Variants in TNFSF11 observed in about 807,000 individuals in gnomAD.
TNFSF11 encodes tumor necrosis factor ligand superfamily member 11.
In TNFSF11, 12 loss-of-function variants were observed where a neutral mutation model predicts 32.2. The ratio of observed to expected loss-of-function variants is 0.37; its 90% CI spans 0.24 to 0.60. The LOEUF (loss-of-function observed/expected upper bound fraction) is 0.60, where lower values mean the gene tolerates loss of function less well. Among genes scored for constraint, TNFSF11 ranks in the 20% least tolerant of loss-of-function variants. The pLI, the probability that TNFSF11 is intolerant of heterozygous loss-of-function variation, is 0.66. For missense variants in TNFSF11, 345 were observed against 398.0 expected (o/e 0.87, Z 1.13); for synonymous variants, 172 against 152.1 (o/e 1.13, Z -0.96).
intron 2 of TNFSF11, among the ~76,000 whole-genome samples, chr13:42,588,349 T>C (rs1488340029): frequency 6.6e-6 from 1 of 152,148 alleles, no homozygotes; most frequent in African/African-American, 2.4e-5. Flanking sequence ...CGGTGAGTTA[T>C]GTCAGAGGTG....
chr13:42,571,380 A>T (rs945515710), upstream of TNFSF11, among the ~76,000 whole-genome samples: 1 of 138,536 alleles, frequency 7.2e-6, no homozygotes, highest in Non-Finnish European at 1.6e-5. Flanking sequence ...TCTTTTTTTT[A>T]ATTTTTGAGA....
At chr13:42,605,119 C>T (rs1869386415) in intron 4 of TNFSF11, among the ~76,000 whole-genome samples, 1 of 152,162 alleles carries the variant, frequency 6.6e-6, no homozygotes, top group African/African-American at 2.4e-5. Flanking sequence ...CATAAGGATT[C>T]ACTCTAATCA....
At chr13:42,595,195 T>G (rs967478694) in intron 2 of TNFSF11, among the ~76,000 whole-genome samples, 10 of 152,236 alleles carry the variant, frequency 6.6e-5, no homozygotes, top group Non-Finnish European at 1.5e-4. Context: ...TCAGAAGGTT[T>G]CTTTTATCCT....
At chr13:42,570,366 T>C (rs1233053969), upstream of TNFSF11, among the ~76,000 whole-genome samples, 1 of 152,214 alleles carries the variant, frequency 6.6e-6, no homozygotes, top group East Asian at 1.9e-4. Context: ...CTTAGCCCTA[T>C]TTTTCAATAA....
Position 42,574,401 on chromosome 13 carries a change from C to A in TNFSF11, c.98C>A (p.Pro33Gln), listed in dbSNP as rs200250962. 1,044 of 1,556,542 alleles carry A rather than the reference C, an allele frequency of 6.7e-4. 9 individuals are homozygous for A. The highest frequency in any genetic ancestry group is 9.7e-4 in the Admixed American group (51 of 52,796). Reference sequence around the variant, plus strand: ...CCGCACGAGGGCCCCCTGCACGCCCCGCCGCCGCCTGCGCCGCACCAGCCC... The same window carrying A: ...CCGCACGAGGGCCCCCTGCACGCCCAGCCGCCGCCTGCGCCGCACCAGCCC... ...GAPHEGPLHA[P>Q]PPPAPHQPPA... is the part of the protein sequence containing the mutation. Residue 33 changes from proline (P) to glutamine (Q), a missense_variant, in exon 1 of 5, where the codon CCG (proline) becomes CAG (glutamine). Transcript: ENST00000398795.
intron 1 of TNFSF11, among the ~76,000 whole-genome samples, chr13:42,578,826 A>C (rs1446858331): frequency 6.6e-6 from 1 of 152,230 alleles, no homozygotes; most frequent in East Asian, 1.9e-4. Context: ...CAAATCAGTA[A>C]CCATTATTAA....
chr13:42,579,812 A>C (rs1873513596), intron 1 of TNFSF11, among the ~76,000 whole-genome samples: 1 of 149,770 alleles, frequency 6.7e-6, no homozygotes, highest in Non-Finnish European at 1.5e-5. Context: ...ATATAGGAAA[A>C]ATACAGATTG....
chr13:42,574,158 T>TCGCCCGCG lies in TNFSF11; in HGVS notation c.-140_-133dup. ...TGGGGCTGCCGGGCGCCCTGCCCGC[T>TCGCCCGCG]CGCCCGCGCGCCCCAGGACCCAAAG... On this transcript the variant is annotated 5_prime_UTR_variant, in exon 1 of 5. Transcript: ENST00000398795. 3 of 1,114,818 alleles carry TCGCCCGCG rather than the reference T, an allele frequency of 2.7e-6. No homozygotes were observed. The highest frequency in any genetic ancestry group is 1.6e-5 in the African/African-American group (1 of 62,682). The allele number at this position is 1,114,818 out of a possible 1,614,324, so 69.1% of individuals were successfully genotyped here. A position where few individuals can be genotyped will look rare whatever the true frequency, so the allele number is the denominator to read the frequency against.
intron 1 of TNFSF11, among the ~76,000 whole-genome samples, chr13:42,575,146 G>A (rs1300278293): frequency 1.3e-5 from 2 of 152,164 alleles, no homozygotes; most frequent in African/African-American, 4.8e-5. Flanking sequence ...CGGCTGTGGC[G>A]CTGTCCTGTG....
chr13:42,577,567 C>T (rs1313168232), intron 1 of TNFSF11, among the ~76,000 whole-genome samples: 1 of 152,150 alleles, frequency 6.6e-6, no homozygotes, highest in Non-Finnish European at 1.5e-5. Flanking sequence ...GTGTCTTTAA[C>T]ATCCATATAA....
At chr13:42,590,061 TGG>T in intron 2 of TNFSF11, among the ~76,000 whole-genome samples, 1 of 152,216 alleles carries the variant, frequency 6.6e-6, no homozygotes, top group South Asian at 2.1e-4. Context: ...CACACGGACC[TGG>T]GGTGAACTGG....
At chr13:42,600,265 A>G (rs1869095319) in intron 2 of TNFSF11, among the ~76,000 whole-genome samples, 1 of 152,212 alleles carries the variant, frequency 6.6e-6, no homozygotes, top group Non-Finnish European at 1.5e-5. Flanking sequence ...ACTTTAAAGT[A>G]AAAAATTAAC....
chr13:42,569,755 T>C (rs1358032006), upstream of TNFSF11, among the ~76,000 whole-genome samples: 4 of 152,050 alleles, frequency 2.6e-5, no homozygotes, highest in African/African-American at 9.7e-5. Context: ...GTCATAATAA[T>C]AACGAATGAC....
intron 1 of TNFSF11, among the ~76,000 whole-genome samples, chr13:42,564,998 G>A (rs1872817254): frequency 6.6e-6 from 1 of 152,202 alleles, no homozygotes; most frequent in Non-Finnish European, 1.5e-5. Context: ...GGAGAAAATA[G>A]TTGGGCATTT....
intron 2 of TNFSF11, among the ~76,000 whole-genome samples, chr13:42,585,395 G>T (rs35669987): frequency 1.2e-4 from 18 of 152,156 alleles, no homozygotes; most frequent in Non-Finnish European, 2.1e-4. Context: ...GCGAAAAGTG[G>T]TGTTTACCCA....
intron 1 of TNFSF11, among the ~76,000 whole-genome samples, chr13:42,577,303 T>C (rs1873368384): frequency 6.6e-6 from 1 of 152,210 alleles, no homozygotes; most frequent in Non-Finnish European, 1.5e-5. Flanking sequence ...AAAAGTTTTG[T>C]TTTCTTAAAT....
At chr13:42,570,877 C>T (rs1426013030), upstream of TNFSF11, among the ~76,000 whole-genome samples, 1 of 152,194 alleles carries the variant, frequency 6.6e-6, no homozygotes, top group Non-Finnish European at 1.5e-5. Flanking sequence ...AGAGTTTTCT[C>T]TGACTCCCCA....
At chr13:42,571,987 T>C (rs1873085936), upstream of TNFSF11, among the ~76,000 whole-genome samples, 1 of 152,216 alleles carries the variant, frequency 6.6e-6, no homozygotes, top group South Asian at 2.1e-4. Context: ...GCAAGAGTCG[T>C]TGAACATATG....
chr13:42,578,356 G>A (rs1873422347), intron 1 of TNFSF11, among the ~76,000 whole-genome samples: 1 of 152,144 alleles, frequency 6.6e-6, no homozygotes, highest in South Asian at 2.1e-4. Flanking sequence ...TCAGCTTAGA[G>A]GCCCTCATTT....
Sources: gnomAD v4.1 joint callset for allele counts (sites outside exome capture counted in the v4.1 genomes callset) on GRCh38, gnomAD v4.1.1 for gene constraint, MANE v1.5 for transcripts, NCBI Gene and HGNC (gene_info 2026-07-23, HGNC 2026-07-21) for gene names.